KIAA0232: variants seen among roughly 807,000 people sequenced by gnomAD.
KIAA0232 encodes KIAA0232, also known as uncharacterized protein KIAA0232.
In KIAA0232, 27 loss-of-function variants were observed where a neutral mutation model predicts 122.0. That is an observed-to-expected ratio of 0.22 (90% CI 0.16 to 0.31). The LOEUF is 0.31. KIAA0232 is among the 10% of genes least tolerant of loss of function. The pLI, the probability that KIAA0232 is intolerant of heterozygous loss-of-function variation, is 1.00. For missense variants in KIAA0232, 1,551 were observed against 1,634.2 expected (o/e 0.95, Z 0.88); for synonymous variants, 613 against 587.6 (o/e 1.04, Z -0.63).
chr4:6,785,203 C>T (rs977751226), intron 1 of KIAA0232, among the ~76,000 whole-genome samples: 2 of 152,152 alleles, frequency 1.3e-5, no homozygotes, highest in Non-Finnish European at 2.9e-5. Context: ...TCCCAAAGTG[C>T]TGGGATTACA....
chr4:6,807,762 C>T (rs560167780), intron 2 of KIAA0232, among the ~76,000 whole-genome samples: 18 of 152,286 alleles, frequency 1.2e-4, no homozygotes, highest in African/African-American at 4.1e-4. Context: ...GTTCCAAATT[C>T]ATGTGCTGAG....
chr4:6,869,516 G>A lies in KIAA0232; in HGVS notation c.3802-2058G>A, dbSNP rs1001626016. On this transcript the variant is annotated intron_variant, in intron 7 of 9. Coordinates refer to ENST00000307659, the MANE Select transcript of KIAA0232 (RefSeq NM_014743.3). The stretch of plus-strand genomic sequence containing the variant: ...ACCTTGGAAGAACTGCAGGCCTTGC[G>A]TGGTGCCACCTTGTTTGCGGGAAGC... 4.6e-5 allele frequency among the ~76,000 whole-genome samples: 7 copies of A among 152,228 alleles called. No homozygotes were observed. The South Asian group carries it at 6.2e-4, about 14-fold the overall frequency.
At chr4:6,869,673 C>T (rs1391212629) in intron 7 of KIAA0232, among the ~76,000 whole-genome samples, 1 of 152,224 alleles carries the variant, frequency 6.6e-6, no homozygotes, top group Non-Finnish European at 1.5e-5. Flanking sequence ...TACAATTCTT[C>T]TTCAGTTTCT....
At chr4:6,819,468 A>G (rs1718316933) in intron 2 of KIAA0232, among the ~76,000 whole-genome samples, 1 of 152,224 alleles carries the variant, frequency 6.6e-6, no homozygotes, top group Admixed American at 6.5e-5. Context: ...AATTTTCAAA[A>G]GAAGACATAC....
At chr4:6,804,029 C>T (rs1472151166) in intron 1 of KIAA0232, among the ~76,000 whole-genome samples, 1 of 152,100 alleles carries the variant, frequency 6.6e-6, no homozygotes, top group Non-Finnish European at 1.5e-5. Context: ...GTTAACCTGT[C>T]TTTAAAGTAT....
At chr4:6,806,505 C>T (rs969104287) in intron 2 of KIAA0232, among the ~76,000 whole-genome samples, 5 of 151,964 alleles carry the variant, frequency 3.3e-5, no homozygotes, top group East Asian at 1.9e-4. Flanking sequence ...GAGGCCGAGG[C>T]GGGTGGATCA....
intron 2 of KIAA0232, among the ~76,000 whole-genome samples, chr4:6,816,034 A>G (rs184036913): frequency 3.2e-4 from 49 of 152,322 alleles, no homozygotes; most frequent in African/African-American, 1.1e-3. Context: ...CTAAAACAAT[A>G]TATCAGTCTT....
At chr4:6,814,580 TAC>T (rs1454362275) in intron 2 of KIAA0232, among the ~76,000 whole-genome samples, 1 of 152,150 alleles carries the variant, frequency 6.6e-6, no homozygotes, top group Non-Finnish European at 1.5e-5. Context: ...TACCCCAAAA[TAC>T]ACAGATAGAC....
intron 8 of KIAA0232, among the ~76,000 whole-genome samples, chr4:6,875,704 T>C (rs1721715063): frequency 6.6e-6 from 1 of 152,176 alleles, no homozygotes; most frequent in Admixed American, 6.5e-5. Flanking sequence ...TGATCTGGTT[T>C]TGAGGAAGTA....
At chr4:6,795,119 G>A (rs1274374431) in intron 1 of KIAA0232, among the ~76,000 whole-genome samples, 1 of 151,956 alleles carries the variant, frequency 6.6e-6, no homozygotes, top group Non-Finnish European at 1.5e-5. Context: ...CGCCCAGGCT[G>A]GAGTGCAATT....
chr4:6,808,220 A>G (rs1717722869), intron 2 of KIAA0232, among the ~76,000 whole-genome samples: 1 of 152,016 alleles, frequency 6.6e-6, no homozygotes, highest in African/African-American at 2.4e-5. Context: ...AATATTTCAA[A>G]TATCTGTTTT....
intron 4 of KIAA0232, among the ~76,000 whole-genome samples, chr4:6,850,367 T>A (rs1046518195): frequency 1.1e-4 from 16 of 152,182 alleles, no homozygotes; most frequent in Admixed American, 3.3e-4. Flanking sequence ...GGTGTTTGTC[T>A]TTCCCATGCT....
intron 3 of KIAA0232, among the ~76,000 whole-genome samples, chr4:6,839,068 A>G (rs989681685): frequency 3.9e-5 from 6 of 152,158 alleles, no homozygotes; most frequent in Non-Finnish European, 7.4e-5. Context: ...AGAGGTTGCA[A>G]TGAGCCAAGA....
chr4:6,821,506 G>T (rs1015972215), intron 2 of KIAA0232, among the ~76,000 whole-genome samples: 2 of 152,018 alleles, frequency 1.3e-5, no homozygotes, highest in African/African-American at 4.8e-5. Flanking sequence ...ACTTCACTTA[G>T]AATAATGGTC....
intron 1 of KIAA0232, among the ~76,000 whole-genome samples, chr4:6,802,043 A>G (rs1717406844): frequency 1.3e-5 from 2 of 152,316 alleles, no homozygotes; most frequent in South Asian, 2.1e-4. Flanking sequence ...CATGAGTGTC[A>G]CAAGTTGGGT....
chr4:6,815,997 T>A (rs2108996012), intron 2 of KIAA0232, among the ~76,000 whole-genome samples: 1 of 152,318 alleles, frequency 6.6e-6, no homozygotes, highest in Non-Finnish European at 1.5e-5. Context: ...TGGCTTGAGA[T>A]CACATTTTAA....
At chr4:6,879,605 C>G (rs191993437) in intron 9 of KIAA0232, among the ~76,000 whole-genome samples, 3 of 152,192 alleles carry the variant, frequency 2.0e-5, no homozygotes, top group Non-Finnish European at 4.4e-5. Context: ...GGTGGGAGTG[C>G]TGCTAGTTAC....
At position 6,880,977 on chromosome 4, in the gene KIAA0232, T is replaced by A; in HGVS notation, c.*11T>A. 6.8e-7 allele frequency: 1 copy of A among 1,462,268 alleles called. No homozygotes were observed. Among genetic ancestry groups the A allele is most frequent in the Non-Finnish European group, 9.1e-7 (1 of 1,099,288 alleles). The allele number at this position is 1,462,268 out of a possible 1,614,324, so 90.6% of individuals were successfully genotyped here. A position where few individuals can be genotyped will look rare whatever the true frequency, so the allele number is the denominator to read the frequency against. ...CGAACTCATCTCTAAACCTGCAAAATAGTACAAATTATTGTTTAAAAATGA... is the reference window on the plus strand; with the variant it reads ...CGAACTCATCTCTAAACCTGCAAAAAAGTACAAATTATTGTTTAAAAATGA... On this transcript the variant is annotated 3_prime_UTR_variant, in exon 10 of 10. Transcript: ENST00000307659.
chr4:6,859,100 TAAA>T lies in KIAA0232; in HGVS notation c.518+615_518+617del, dbSNP rs34866239. 3.7e-3 allele frequency among the ~76,000 whole-genome samples: 398 copies of T among 106,276 alleles called. 2 individuals carry two copies. The highest frequency in any genetic ancestry group is 0.012 in the African/African-American group (341 of 27,532). The allele number at this position is 106,276 out of a possible 152,430, so 69.7% of individuals were successfully genotyped here. On this transcript the variant is annotated intron_variant, in intron 6 of 9. Coordinates refer to ENST00000307659, the MANE Select transcript of KIAA0232 (RefSeq NM_014743.3). ...ACGACAGAGCGAGACTCTGTCTTAT[TAAA>T]AAAAAAAAAAAAAAAAAAAACAAGA...
Sources: allele counts gnomAD v4.1 joint callset (sites outside exome capture counted in the v4.1 genomes callset), GRCh38; gene constraint gnomAD v4.1.1; transcripts MANE v1.5; gene names NCBI Gene and HGNC (gene_info 2026-07-23, HGNC 2026-07-21).